Variants in AGAP1 observed in about 807,000 individuals in gnomAD.
AGAP1 encodes the protein arf-GAP with GTPase, ANK repeat and PH domain-containing protein 1.
Under a neutral mutation model 105.3 loss-of-function variants are expected in AGAP1, and 29 were observed. The observed-to-expected ratio is 0.28, with a 90% CI of 0.21 to 0.38. The LOEUF (loss-of-function observed/expected upper bound fraction) is 0.38, where lower values mean the gene tolerates loss of function less well. AGAP1 is among the 10% of genes least tolerant of loss of function. The pLI is 1.00. For synonymous variants in AGAP1, 509 were observed against 485.9 expected (o/e 1.05, Z -0.63); for missense variants, 998 against 1,165.1 (o/e 0.86, Z 2.09).
rs753271398 is a variant in AGAP1, at chr2:235,908,834, G to A, written c.1252G>A (p.Ala418Thr). The A allele has an allele frequency of 1.4e-5, 22 of 1,613,856 alleles. No homozygotes were observed. The highest frequency in any genetic ancestry group is 8.0e-5 in the African/African-American group (6 of 74,854). Residue 418 changes from alanine (A) to threonine (T), a missense_variant, in exon 11 of 18, where the codon GCA becomes ACA. This residue lies in a region of AGAP1 where 735 missense variants were observed against 833.4 expected (regional missense o/e 0.88). Coordinates refer to ENST00000304032, the MANE Select transcript of AGAP1 (RefSeq NM_001037131.3). The surrounding 1 kb of genome is among the most constrained non-coding windows in gnomAD (Gnocchi z 4.4). ...GCCACCCCGAGCCACGTCAGCCTGC[G>A]CACCCATCTCCAGCCCTAAAACCAA... ...KRPPRATSAC[A>T]PISSPKTNGL... is the part of the protein sequence containing the mutation.
chr2:235,682,777 G>A (rs1457467296), intron 1 of AGAP1, among the ~76,000 whole-genome samples: 1 of 140,320 alleles, frequency 7.1e-6, no homozygotes, highest in African/African-American at 2.9e-5. Flanking sequence ...GAGTGAACTC[G>A]ATGTGTGGGT....
At position 235,751,667 on chromosome 2, in the gene AGAP1, C is replaced by G. The variant is rs138716320; in HGVS notation, c.673+1179C>G. 2.2e-3 allele frequency among the ~76,000 whole-genome samples: 329 copies of G among 152,326 alleles called. 1 individual carries two copies. Among genetic ancestry groups the G allele is most frequent in the African/African-American group, 7.7e-3 (321 of 41,574 alleles). The stretch of plus-strand genomic sequence containing the variant: ...AAAGATGACATCAGTTCTCAAACTT[C>G]ACATTTTCTTTCCTGGAGCAGTGAG... On this transcript the variant is annotated intron_variant, in intron 6 of 17. Coordinates refer to ENST00000304032, the MANE Select transcript of AGAP1 (RefSeq NM_001037131.3). The surrounding 1 kb of genome is among the most constrained non-coding windows in gnomAD (Gnocchi z 5.3).
chr2:235,952,157 C>G (rs568448795), intron 12 of AGAP1, among the ~76,000 whole-genome samples: 3 of 152,140 alleles, frequency 2.0e-5, no homozygotes, highest in Non-Finnish European at 4.4e-5. Context: ...TCACCTGCCT[C>G]TTGTCAGAGA....
chr2:235,672,313 T>C (rs1948480028), intron 1 of AGAP1, among the ~76,000 whole-genome samples: 1 of 152,238 alleles, frequency 6.6e-6, no homozygotes, highest in Non-Finnish European at 1.5e-5. Context: ...TGTTCTAATA[T>C]GCTCCTAATG....
intron 1 of AGAP1, among the ~76,000 whole-genome samples, chr2:235,561,295 C>T (rs995132881): frequency 1.3e-5 from 2 of 152,132 alleles, no homozygotes; most frequent in Non-Finnish European, 2.9e-5. Flanking sequence ...AAACAAATGA[C>T]GTTTAGGAAA....
chr2:235,775,913 T>C (rs1416782304), intron 6 of AGAP1: 1 of 152,214 alleles, frequency 6.6e-6, no homozygotes, highest in Non-Finnish European at 1.5e-5. Flanking sequence ...GGCCTGTTGA[T>C]TCCTTTTAAG....
At chr2:235,945,551 G>A (rs1014106567) in intron 12 of AGAP1, among the ~76,000 whole-genome samples, 1 of 151,540 alleles carries the variant, frequency 6.6e-6, no homozygotes, top group Non-Finnish European at 1.5e-5. Flanking sequence ...ATTTCTCTTT[G>A]CTAATTTTAC....
intron 1 of AGAP1, among the ~76,000 whole-genome samples, chr2:235,638,852 G>T (rs2316908): frequency 6.6e-6 from 1 of 151,968 alleles, no homozygotes; most frequent in South Asian, 2.1e-4. Flanking sequence ...TTGACATTTT[G>T]TGCCGGATAA....
In AGAP1 at chr2:235,967,036, C is replaced by T. The variant is rs2054430350; in HGVS notation, c.1484-1426C>T. Reference sequence around the variant, plus strand: ...AATCATGTCACTGTTCTGCTCAGAACCCTGCATGGCTCCCCATTCCCCCCA... The same window carrying T: ...AATCATGTCACTGTTCTGCTCAGAATCCTGCATGGCTCCCCATTCCCCCCA... On this transcript the variant is annotated intron_variant, in intron 12 of 17. Transcript: ENST00000304032. This position sits in a 1 kb window ranked among gnomAD's most constrained non-coding sequence, Gnocchi z 4.7. 6.6e-6 allele frequency among the ~76,000 whole-genome samples: 1 copy of T among 152,148 alleles called. No homozygotes were observed. The highest frequency in any genetic ancestry group is 1.5e-5 in the Non-Finnish European group (1 of 68,034).
intron 13 of AGAP1, among the ~76,000 whole-genome samples, chr2:235,972,609 G>A (rs1329192178): frequency 6.6e-6 from 1 of 152,150 alleles, no homozygotes; most frequent in Non-Finnish European, 1.5e-5. Context: ...GAAGGTGAGG[G>A]TGTCCTCACT....
intron 11 of AGAP1, among the ~76,000 whole-genome samples, chr2:235,928,899 C>T (rs1257597799): frequency 6.6e-6 from 1 of 152,210 alleles, no homozygotes; most frequent in African/African-American, 2.4e-5. Context: ...GCCTGGCCCA[C>T]CTCCCCCGGC....
In AGAP1 at chr2:235,701,116, CATATTAT is replaced by C. The variant is rs905578670; in HGVS notation, c.164-8055_164-8049del. ...ATACTCTATAATATAGTTATATGTA[CATATTAT>C]ATATTATGTATATATGATATGCTCT... On this transcript the variant is annotated intron_variant, in intron 1 of 17. Transcript: ENST00000304032. This position sits in a 1 kb window ranked among gnomAD's most constrained non-coding sequence, Gnocchi z 4.1. Among the ~76,000 whole-genome samples, 1 of 146,114 alleles carries C rather than the reference CATATTAT, an allele frequency of 6.8e-6. No individual in the cohort carries two copies. The highest frequency in any genetic ancestry group is 2.5e-5 in the African/African-American group (1 of 39,860).
At chr2:235,817,513 A>T in intron 9 of AGAP1, among the ~76,000 whole-genome samples, 1 of 151,926 alleles carries the variant, frequency 6.6e-6, no homozygotes, top group East Asian at 1.9e-4. Flanking sequence ...TTTGAAACCA[A>T]AACACTCTTT....
At chr2:235,873,693 C>T (rs2049557253) in intron 9 of AGAP1, among the ~76,000 whole-genome samples, 1 of 152,178 alleles carries the variant, frequency 6.6e-6, no homozygotes, top group Admixed American at 6.5e-5. Context: ...GCTGTCCAGT[C>T]CATGTGGAAG....
chr2:235,731,840 A>G (rs1293904096), intron 3 of AGAP1, among the ~76,000 whole-genome samples: 3 of 152,286 alleles, frequency 2.0e-5, no homozygotes, highest in Non-Finnish European at 4.4e-5. Context: ...CAAAAAACGC[A>G]GGCTCTAAGG....
rs192814315 is a variant in AGAP1 at position 235,752,273 on chromosome 2, G to A, written c.673+1785G>A. 1.2e-3 allele frequency among the ~76,000 whole-genome samples: 176 copies of A among 152,282 alleles called. No homozygotes were observed. Among genetic ancestry groups the A allele is most frequent in the Middle Eastern group, 3.4e-3 (1 of 294 alleles). ...GCTCACTGCAACCTCTGCCTCCCAG[G>A]TTCAGGCAAATCTTGTGCCTCAGCC... On this transcript the variant is annotated intron_variant, in intron 6 of 17. Transcript: ENST00000304032. This position sits in a 1 kb window ranked among gnomAD's most constrained non-coding sequence, Gnocchi z 4.3.
At chr2:235,759,136 C>A (rs572757698) in intron 6 of AGAP1, among the ~76,000 whole-genome samples, 1 of 143,236 alleles carries the variant, frequency 7.0e-6, no homozygotes, top group African/African-American at 2.7e-5. Context: ...ATTCTGGTGT[C>A]GTTAGCCCTA....
In AGAP1 at chr2:235,958,424, G is replaced by A. The variant is rs983600601; in HGVS notation, c.1484-10038G>A. Among the ~76,000 whole-genome samples the A allele has an allele frequency of 2.0e-5, 3 of 152,012 alleles. No homozygotes were observed. Among genetic ancestry groups the A allele is most frequent in the African/African-American group, 4.8e-5 (2 of 41,400 alleles). ...ACCTACGCCCAGCACCTCCCCCAGCGGACACATTTAGAGACCCTCGGGAGC... is the reference window on the plus strand; with the variant it reads ...ACCTACGCCCAGCACCTCCCCCAGCAGACACATTTAGAGACCCTCGGGAGC... On this transcript the variant is annotated intron_variant, in intron 12 of 17. Coordinates refer to ENST00000304032, the MANE Select transcript of AGAP1 (RefSeq NM_001037131.3). The surrounding 1 kb of genome is among the most constrained non-coding windows in gnomAD (Gnocchi z 4.1).
In AGAP1 at chr2:235,556,067, G is replaced by A. The variant is rs1943963534; in HGVS notation, c.163+61218G>A. On this transcript the variant is annotated intron_variant, in intron 1 of 17. Coordinates refer to ENST00000304032, the MANE Select transcript of AGAP1 (RefSeq NM_001037131.3). The surrounding 1 kb of genome is among the most constrained non-coding windows in gnomAD (Gnocchi z 5.3). ...AAACAGCATCCTGCAGGAGAGCAATGCCTCCAGCTTGGCTTCTGGAAGCCT... is the reference window on the plus strand; with the variant it reads ...AAACAGCATCCTGCAGGAGAGCAATACCTCCAGCTTGGCTTCTGGAAGCCT... 6.6e-6 allele frequency among the ~76,000 whole-genome samples: 1 copy of A among 152,260 alleles called. No individual in the cohort carries two copies.
Sources: allele counts gnomAD v4.1 joint callset (sites outside exome capture counted in the v4.1 genomes callset), GRCh38; gene constraint gnomAD v4.1.1; regional missense constraint gnomAD v4.1.1; non-coding constraint Gnocchi (gnomAD v3.1); transcripts MANE v1.5; gene names NCBI Gene and HGNC (gene_info 2026-07-23, HGNC 2026-07-21).